CRTAC1: variants seen among roughly 807,000 people sequenced by gnomAD.
CRTAC1 encodes acidic secreted protein in cartilage.
CRTAC1 carries 37 observed loss-of-function variants against 67.8 expected under a neutral mutation model. That is an observed-to-expected ratio of 0.55 (90% CI 0.42 to 0.72). The LOEUF (loss-of-function observed/expected upper bound fraction) is 0.72, where lower values mean the gene tolerates loss of function less well. Among genes scored for constraint, CRTAC1 ranks in the 30% least tolerant of loss-of-function variants. The probability of loss-of-function intolerance (pLI) is 0.00; values close to 1 mark genes in which losing one functional copy is unlikely to be tolerated. For missense variants in CRTAC1, 780 were observed against 931.6 expected (o/e 0.84, Z 2.12); for synonymous variants, 348 against 371.0 (o/e 0.94, Z 0.71).
At chr10:97,968,141 C>T (rs571648507) in intron 2 of CRTAC1, among the ~76,000 whole-genome samples, 4 of 152,176 alleles carry the variant, frequency 2.6e-5, no homozygotes, top group African/African-American at 7.2e-5. Flanking sequence ...GAAAGGGGAA[C>T]GATGCTGGCT....
chr10:97,966,653 G>A (rs903483907), intron 2 of CRTAC1, among the ~76,000 whole-genome samples: 1 of 152,060 alleles, frequency 6.6e-6, no homozygotes, highest in African/African-American at 2.4e-5. Context: ...TCTGTTCCAG[G>A]ATCCCACCTA....
At chr10:97,991,099 CAAAAAAAAA>C (rs757267901) in intron 2 of CRTAC1, among the ~76,000 whole-genome samples, 2 of 17,980 alleles carry the variant, frequency 1.1e-4, no homozygotes, top group African/African-American at 1.9e-4. Flanking sequence ...ACCATCTCTA[CAAAAAAAAA>C]AAAAAAAAAA....
intron 2 of CRTAC1, among the ~76,000 whole-genome samples, chr10:97,963,346 C>T (rs1311629086): frequency 2.0e-5 from 3 of 152,164 alleles, no homozygotes; most frequent in Non-Finnish European, 1.5e-5. Context: ...ATTTCTTGGG[C>T]CCCACCCCAG....
In CRTAC1 at chr10:97,895,175, G is replaced by A. The variant is rs533946342; in HGVS notation, c.1486+70C>T. The A allele has an allele frequency of 4.8e-5, 72 of 1,494,418 alleles. No homozygotes were observed. In the African/African-American group the frequency reaches 7.6e-4, roughly 16 times the overall value. The allele number at this position is 1,494,418 out of a possible 1,614,324, so 92.6% of individuals were successfully genotyped here. ...AGCGGAGCGGTGCCCAAGGATGCTC[G>A]GGCTGTGAGTCCCTGAATCAGTCAG... is the stretch of plus-strand genomic sequence containing the variant. On this transcript the variant is annotated intron_variant, in intron 11 of 14. Transcript: ENST00000370597. This position sits in a 1 kb window ranked among gnomAD's most constrained non-coding sequence, Gnocchi z 4.2.
intron 5 of CRTAC1, among the ~76,000 whole-genome samples, chr10:97,910,722 A>G (rs952675526): frequency 2.0e-5 from 3 of 152,130 alleles, no homozygotes; most frequent in Non-Finnish European, 4.4e-5. Flanking sequence ...AGGGGAAATC[A>G]TGGGGCCTTT....
At chr10:97,960,663 G>A (rs938157717) in intron 2 of CRTAC1, among the ~76,000 whole-genome samples, 1 of 152,234 alleles carries the variant, frequency 6.6e-6, no homozygotes, top group Non-Finnish European at 1.5e-5. Flanking sequence ...ACCCTGGACA[G>A]AGCCTTTCTT....
intron 1 of CRTAC1, among the ~76,000 whole-genome samples, chr10:98,014,995 C>T (rs548485561): frequency 6.6e-6 from 1 of 152,260 alleles, no homozygotes; most frequent in African/African-American, 2.4e-5. Context: ...TATTTGTATA[C>T]CCATGTTCAT....
chr10:97,966,058 G>C (rs756753920), intron 2 of CRTAC1, among the ~76,000 whole-genome samples: 9 of 152,206 alleles, frequency 5.9e-5, no homozygotes, highest in Non-Finnish European at 1.0e-4. Flanking sequence ...TAGAGCCAAG[G>C]CCACTACATA....
chr10:97,879,848 A>T, intron 14 of CRTAC1: 4 of 264,102 alleles, frequency 1.5e-5, no homozygotes, highest in Non-Finnish European at 2.7e-5. Context: ...AAAAAGAGAA[A>T]GGGGGTGGGG....
At chr10:98,007,159 T>C (rs1285116690) in intron 2 of CRTAC1, among the ~76,000 whole-genome samples, 1 of 152,180 alleles carries the variant, frequency 6.6e-6, no homozygotes, top group Non-Finnish European at 1.5e-5. Context: ...TTCAGATTAG[T>C]CAAATCGGTT....
chr10:98,025,736 C>T (rs1221205734), intron 1 of CRTAC1, among the ~76,000 whole-genome samples: 1 of 152,226 alleles, frequency 6.6e-6, no homozygotes, highest in Non-Finnish European at 1.5e-5. Flanking sequence ...GTATCTGCAG[C>T]CTGCAGGAGG....
In CRTAC1 at chr10:97,950,246, C is replaced by CAGAGAGAGAGAGAGAG. The variant is rs71007371; in HGVS notation, c.225-13896_225-13881dup. Among the ~76,000 whole-genome samples, 77 of 113,414 alleles carry CAGAGAGAGAGAGAGAG rather than the reference C, an allele frequency of 6.8e-4. 1 individual carries two copies. Among genetic ancestry groups the CAGAGAGAGAGAGAGAG allele is most frequent in the Non-Finnish European group, 1.0e-3 (58 of 57,400 alleles). The allele number at this position is 113,414 out of a possible 152,430, so 74.4% of individuals were successfully genotyped here. A position where few individuals can be genotyped will look rare whatever the true frequency, so the allele number is the denominator to read the frequency against. On this transcript the variant is annotated intron_variant, in intron 2 of 14. Coordinates refer to ENST00000370597, the MANE Select transcript of CRTAC1 (RefSeq NM_018058.7). ...TTGCATGTACGTGCACACACACACA[C>CAGAGAGAGAGAGAGAG]AGAGAGAGAGAGAGAGAGAGAGAGA...
At chr10:97,952,701 C>A (rs1293971120) in intron 2 of CRTAC1, among the ~76,000 whole-genome samples, 1 of 152,144 alleles carries the variant, frequency 6.6e-6, no homozygotes, top group Admixed American at 6.5e-5. Flanking sequence ...TCCTTCCAAT[C>A]TCATCAGGAT....
intron 14 of CRTAC1, among the ~76,000 whole-genome samples, chr10:97,873,888 C>A (rs560432935): frequency 6.6e-6 from 1 of 152,328 alleles, no homozygotes; most frequent in African/African-American, 2.4e-5. Context: ...GCACTCGGGA[C>A]CCCCATTCAG....
intron 3 of CRTAC1, among the ~76,000 whole-genome samples, chr10:97,925,138 G>T (rs572908361): frequency 6.6e-6 from 1 of 152,292 alleles, no homozygotes; most frequent in Non-Finnish European, 1.5e-5. Context: ...AGGTGTGGTG[G>T]CACATGCCTG....
chr10:97,878,753 G>A, intron 14 of CRTAC1: 1 of 1,288,060 alleles, frequency 7.8e-7, no homozygotes, highest in Non-Finnish European at 1.0e-6. Context: ...AGGAGTCTTA[G>A]AAAGGAAAGG....
chr10:97,945,641 C>T lies in CRTAC1; in HGVS notation c.225-9275G>A, dbSNP rs552209126. Among the ~76,000 whole-genome samples the T allele has an allele frequency of 1.2e-4, 18 of 152,164 alleles. No individual in the cohort carries two copies. In the South Asian group the frequency reaches 3.3e-3, roughly 28 times the overall value. ...TGATGAGAAATCTGGGGCAGGGTTC[C>T]GCTAGGGAATAAATTGGGTAAGGTT... On this transcript the variant is annotated intron_variant, in intron 2 of 14. Transcript: ENST00000370597.
chr10:97,895,360 A>G lies in CRTAC1; in HGVS notation c.1371T>C (p.Phe457=), dbSNP rs1282723666. Residue 457 remains phenylalanine, a synonymous_variant, in exon 11 of 15, where the codon TTT becomes TTC. Transcript: ENST00000370597. The surrounding 1 kb of genome is among the most constrained non-coding windows in gnomAD (Gnocchi z 4.2). Reference sequence around the variant, plus strand: ...AGAGCACGACCTTAGCTCCCCTGGCAAAGGCCCCAAACCGGGTGCGTGGCA... The same window carrying G: ...AGAGCACGACCTTAGCTCCCCTGGCGAAGGCCCCAAACCGGGTGCGTGGCA... ...RVVPRTRFGA[F]ARGAKVVLYT... The G allele has an allele frequency of 6.2e-7, 1 of 1,613,462 alleles. No individual in the cohort carries two copies. The highest frequency in any genetic ancestry group is 1.7e-5 in the Admixed American group (1 of 59,922).
chr10:97,911,931 A>C (rs893198775), intron 5 of CRTAC1, among the ~76,000 whole-genome samples: 1 of 152,182 alleles, frequency 6.6e-6, no homozygotes, highest in Non-Finnish European at 1.5e-5. Flanking sequence ...TCCACCTTGC[A>C]TCAATTAATT....
Sources: allele counts gnomAD v4.1 joint callset (sites outside exome capture counted in the v4.1 genomes callset), GRCh38; gene constraint gnomAD v4.1.1; non-coding constraint Gnocchi (gnomAD v3.1); transcripts MANE v1.5; gene names NCBI Gene and HGNC (gene_info 2026-07-23, HGNC 2026-07-21).